Variants in NEGR1 observed in about 807,000 individuals in gnomAD.
NEGR1 encodes the protein neuronal growth regulator 1, also known as IgLON family member 4.
In NEGR1, 10 loss-of-function variants were observed where a neutral mutation model predicts 40.9. The ratio of observed to expected loss-of-function variants is 0.24; its 90% CI spans 0.15 to 0.42. The LOEUF is 0.42. NEGR1 is among the 10% of genes least tolerant of loss of function. NEGR1 has a pLI of 1.00. For synonymous variants in NEGR1, 185 were observed against 166.8 expected (o/e 1.11, Z -0.84); for missense variants, 352 against 438.9 (o/e 0.80, Z 1.77).
chr1:72,085,103 A>T (rs775295762), intron 1 of NEGR1, among the ~76,000 whole-genome samples: 42 of 152,208 alleles, frequency 2.8e-4, no homozygotes, highest in Admixed American at 5.2e-4. Context: ...GAGGTTAAAA[A>T]ATCCAAGTGA....
At chr1:72,079,806 A>G (rs893328268) in intron 1 of NEGR1, among the ~76,000 whole-genome samples, 1 of 152,244 alleles carries the variant, frequency 6.6e-6, no homozygotes, top group South Asian at 2.1e-4. Flanking sequence ...AAAGTGTTCT[A>G]TAATAGTTTC....
chr1:71,841,614 C>G (rs1659242243), intron 2 of NEGR1, among the ~76,000 whole-genome samples: 1 of 152,138 alleles, frequency 6.6e-6, no homozygotes, highest in South Asian at 2.1e-4. Context: ...TGCAGCCACA[C>G]TGGTGGAAAG....
chr1:71,432,831 A>C (rs886393104), intron 6 of NEGR1, among the ~76,000 whole-genome samples: 71 of 152,342 alleles, frequency 4.7e-4, no homozygotes, highest in African/African-American at 1.5e-3. Context: ...TTGAGCAGAT[A>C]TATAAGCTCC....
At chr1:71,800,949 T>C (rs1462819053) in intron 2 of NEGR1, among the ~76,000 whole-genome samples, 6 of 152,206 alleles carry the variant, frequency 3.9e-5, no homozygotes, top group Admixed American at 3.9e-4. Flanking sequence ...ATAGTGTTTG[T>C]AGTCATCATA....
intron 3 of NEGR1, among the ~76,000 whole-genome samples, chr1:71,710,990 G>A (rs1654062036): frequency 6.6e-6 from 1 of 151,962 alleles, no homozygotes; most frequent in South Asian, 2.1e-4. Flanking sequence ...AATATCTCAT[G>A]TACCCCATAA....
intron 6 of NEGR1, among the ~76,000 whole-genome samples, chr1:71,546,827 G>T (rs946590741): frequency 6.6e-6 from 1 of 151,606 alleles, no homozygotes; most frequent in African/African-American, 2.4e-5. Flanking sequence ...AAGAAAGCCT[G>T]CAGGACTTGA....
chr1:71,438,970 A>T (rs1646528439), intron 6 of NEGR1, among the ~76,000 whole-genome samples: 1 of 152,174 alleles, frequency 6.6e-6, no homozygotes, highest in African/African-American at 2.4e-5. Context: ...ACTGAAGCAT[A>T]TTCTTTTTGC....
intron 1 of NEGR1, among the ~76,000 whole-genome samples, chr1:72,152,286 G>C (rs1651154707): frequency 6.6e-6 from 1 of 151,776 alleles, no homozygotes; most frequent in Non-Finnish European, 1.5e-5. Flanking sequence ...CCATAATGGG[G>C]TTTTTCAAAC....
At chr1:71,568,846 G>A (rs1255132711) in intron 6 of NEGR1, among the ~76,000 whole-genome samples, 21 of 151,050 alleles carry the variant, frequency 1.4e-4, no homozygotes, top group Admixed American at 8.6e-4. Context: ...GTGTGTGTGT[G>A]TGTGTGTGTG....
chr1:71,810,454 G>C (rs1045055592), intron 2 of NEGR1, among the ~76,000 whole-genome samples: 1 of 152,012 alleles, frequency 6.6e-6, no homozygotes, highest in Admixed American at 6.6e-5. Flanking sequence ...AGAACTGAAA[G>C]AGTATTAATA....
At chr1:71,987,572 A>G (rs1336950187) in intron 1 of NEGR1, among the ~76,000 whole-genome samples, 2 of 152,204 alleles carry the variant, frequency 1.3e-5, no homozygotes, top group Non-Finnish European at 2.9e-5. Context: ...GAAGGCGCCT[A>G]GTGGTCTTCA....
At chr1:72,209,676 G>A (rs1352023589) in intron 1 of NEGR1, among the ~76,000 whole-genome samples, 1 of 151,622 alleles carries the variant, frequency 6.6e-6, no homozygotes, top group Non-Finnish European at 1.5e-5. Context: ...TAAAAATATG[G>A]CTAAATATTT....
chr1:71,463,395 C>T (rs1646726247), intron 6 of NEGR1: 4 of 152,176 alleles, frequency 2.6e-5, no homozygotes, highest in East Asian at 1.9e-4. Flanking sequence ...TCTAATGGAA[C>T]GGGAACGAAC....
At chr1:72,063,003 A>G (rs1032360443) in intron 1 of NEGR1, among the ~76,000 whole-genome samples, 6 of 151,926 alleles carry the variant, frequency 3.9e-5, no homozygotes, top group African/African-American at 1.2e-4. Flanking sequence ...AAAGGAAAAG[A>G]AGGAAGTTCT....
chr1:72,176,655 G>T (rs12096888), intron 1 of NEGR1, among the ~76,000 whole-genome samples: 5,815 of 151,984 alleles, frequency 0.038, 354 homozygotes, highest in African/African-American at 0.13. Flanking sequence ...GCCTGGAATT[G>T]TATGAGGGGA....
intron 4 of NEGR1, among the ~76,000 whole-genome samples, chr1:71,654,388 A>C (rs962910316): frequency 2.0e-5 from 3 of 152,240 alleles, no homozygotes; most frequent in African/African-American, 7.2e-5. Flanking sequence ...AATATACTAC[A>C]TGAAGACAAA....
intron 4 of NEGR1, among the ~76,000 whole-genome samples, chr1:71,616,974 C>A (rs1157968172): frequency 2.0e-5 from 3 of 152,164 alleles, no homozygotes; most frequent in Admixed American, 6.5e-5. Flanking sequence ...ACTGGCTATC[C>A]AACAAGGCCA....
chr1:72,196,139 C>G (rs1256149555), intron 1 of NEGR1, among the ~76,000 whole-genome samples: 4 of 151,904 alleles, frequency 2.6e-5, no homozygotes. Context: ...TTGAACATCC[C>G]AAATCTGAAA....
At chr1:71,672,281 AAAATT>A (rs1222318060) in intron 4 of NEGR1, among the ~76,000 whole-genome samples, 1 of 152,202 alleles carries the variant, frequency 6.6e-6, no homozygotes, top group African/African-American at 2.4e-5. Flanking sequence ...GGGTGAAGAC[AAAATT>A]AAATTAGATA....
Sources: gnomAD v4.1 joint callset for allele counts (sites outside exome capture counted in the v4.1 genomes callset) on GRCh38, gnomAD v4.1.1 for gene constraint, MANE v1.5 for transcripts, NCBI Gene and HGNC (gene_info 2026-07-23, HGNC 2026-07-21) for gene names.